WWP2: variants seen among roughly 807,000 people sequenced by gnomAD.
The protein encoded by WWP2 is NEDD4-like E3 ubiquitin-protein ligase WWP2.
WWP2 carries 57 observed loss-of-function variants against 121.0 expected under a neutral mutation model. The observed-to-expected ratio is 0.47, with a 90% CI of 0.38 to 0.59. The LOEUF (loss-of-function observed/expected upper bound fraction) is 0.59. WWP2 is among the 20% of genes least tolerant of loss of function. The pLI is 0.00. For missense variants in WWP2, 962 were observed against 1,158.9 expected, an observed-to-expected ratio of 0.83 and a Z score of 2.47; for synonymous variants, 449 against 441.3, an observed-to-expected ratio of 1.02 and a Z score of -0.22.
At chr16:69,815,660 C>A (rs1232800619) in intron 4 of WWP2, among the ~76,000 whole-genome samples, 2 of 151,548 alleles carry the variant, frequency 1.3e-5, no homozygotes, top group African/African-American at 4.8e-5. Context: ...GGTGGCGGGT[C>A]CCTGTAGTCC....
chr16:69,796,400 A>T (rs993608025), intron 2 of WWP2, among the ~76,000 whole-genome samples: 2 of 152,182 alleles, frequency 1.3e-5, no homozygotes, highest in African/African-American at 2.4e-5. Flanking sequence ...TGTGCTCAGG[A>T]CACTTCGATA....
intron 16 of WWP2, among the ~76,000 whole-genome samples, chr16:69,932,348 A>G (rs2058729752): frequency 6.6e-6 from 1 of 152,242 alleles, no homozygotes; most frequent in Admixed American, 6.5e-5. Context: ...AAACAAACAA[A>G]AAAACAAAAT....
chr16:69,922,121 C>A (rs912267884), intron 10 of WWP2, among the ~76,000 whole-genome samples: 1 of 151,014 alleles, frequency 6.6e-6, no homozygotes, highest in Non-Finnish European at 1.5e-5. Flanking sequence ...TATTTTGTGG[C>A]TCTTAGGGTG....
At chr16:69,936,126 G>A in intron 18 of WWP2, 140 bp downstream of exon 18, 3 of 1,456,114 alleles carry the variant, frequency 2.1e-6, no homozygotes, top group South Asian at 2.7e-5. Flanking sequence ...TTGTGGAGAG[G>A]AATGTCCTCT....
intron 8 of WWP2, among the ~76,000 whole-genome samples, chr16:69,900,502 G>A (rs2058186086): frequency 6.6e-6 from 1 of 151,548 alleles, no homozygotes; most frequent in Admixed American, 6.6e-5. Flanking sequence ...TTTTATAGAT[G>A]CATATATTTT....
chr16:69,904,133 T>C (rs919588095), intron 8 of WWP2, among the ~76,000 whole-genome samples: 1 of 152,236 alleles, frequency 6.6e-6, no homozygotes, highest in Non-Finnish European at 1.5e-5. Flanking sequence ...CTTTCTTCAT[T>C]TCCAAATTCA....
intron 4 of WWP2, among the ~76,000 whole-genome samples, chr16:69,800,934 C>T (rs2056150881): frequency 1.4e-5 from 2 of 147,624 alleles, no homozygotes; most frequent in Admixed American, 6.8e-5. Flanking sequence ...GCCTGTAATC[C>T]CAGTACTTTG....
intron 6 of WWP2, among the ~76,000 whole-genome samples, chr16:69,870,319 G>A (rs1475315684): frequency 3.1e-5 from 4 of 130,326 alleles, no homozygotes; most frequent in African/African-American, 1.2e-4. Flanking sequence ...TTTTTTTGGA[G>A]ACACTCTCAC....
intron 8 of WWP2, among the ~76,000 whole-genome samples, chr16:69,907,100 C>T (rs550256189): frequency 6.6e-6 from 1 of 152,216 alleles, no homozygotes; most frequent in South Asian, 2.1e-4. Flanking sequence ...CTTGTGGAAG[C>T]AGGTGTCAGA....
rs1482685185 is a variant in WWP2, at chr16:69,836,637, G to T, written c.341-3489G>T. On this transcript the variant is annotated intron_variant, in intron 4 of 23. Coordinates refer to ENST00000359154, the MANE Select transcript of WWP2 (RefSeq NM_001270454.2). ...AAATTAATTTATTTTTTGAGACAGG[G>T]TCTCGCTCTGTCACACAGGCTGGAG... Among the ~76,000 whole-genome samples, 3 of 152,202 alleles carry T rather than the reference G, an allele frequency of 2.0e-5. No homozygotes were observed. In the South Asian group the frequency reaches 6.2e-4, roughly 32 times the overall value.
chr16:69,875,091 C>A (rs2057712621), intron 7 of WWP2, among the ~76,000 whole-genome samples: 1 of 151,934 alleles, frequency 6.6e-6, no homozygotes, highest in Admixed American at 6.6e-5. Flanking sequence ...ACAGACACAC[C>A]TTCAAGATAT....
intron 7 of WWP2, among the ~76,000 whole-genome samples, chr16:69,879,993 C>G (rs2057797767): frequency 6.7e-6 from 1 of 149,040 alleles, no homozygotes; most frequent in Non-Finnish European, 1.5e-5. Flanking sequence ...AAATGAGATA[C>G]TTTTTTTTTT....
chr16:69,821,894 C>T (rs184189624), intron 4 of WWP2, among the ~76,000 whole-genome samples: 2 of 151,624 alleles, frequency 1.3e-5, no homozygotes, highest in Admixed American at 1.3e-4. Flanking sequence ...AAATAAGAAA[C>T]AGGGTCTTAC....
At chr16:69,819,306 AAACC>A (rs2056551821) in intron 4 of WWP2, among the ~76,000 whole-genome samples, 1 of 152,146 alleles carries the variant, frequency 6.6e-6, no homozygotes, top group Non-Finnish European at 1.5e-5. Context: ...TACTCCATAA[AAACC>A]AAAGTCATTC....
intron 4 of WWP2, among the ~76,000 whole-genome samples, chr16:69,807,906 C>T (rs2056314265): frequency 6.7e-6 from 1 of 150,190 alleles, no homozygotes; most frequent in South Asian, 2.1e-4. Flanking sequence ...CTGCAGTAAG[C>T]TGTAATCATG....
chr16:69,925,479 G>T lies in WWP2; in HGVS notation c.1229G>T (p.Gly410Val). The T allele has an allele frequency of 6.2e-7, 1 of 1,614,006 alleles. No individual in the cohort carries two copies. Among genetic ancestry groups the T allele is most frequent in the Non-Finnish European group, 8.5e-7 (1 of 1,179,950 alleles). ...GATCCCCTGGGCCCCCTCCCTCCTG[G>T]CTGGGGTAAGTACTGAGTTCTCTTC... ...DHDPLGPLPP[G>V]WEKRQDNGRV... is the part of the protein sequence containing the mutation. Residue 410 changes from glycine to valine, a missense_variant, in exon 11 of 24, where the codon GGC becomes GTC. Coordinates refer to ENST00000359154, the MANE Select transcript of WWP2 (RefSeq NM_001270454.2). The surrounding 1 kb of genome is among the most constrained non-coding windows in gnomAD (Gnocchi z 4.0).
rs769226686 is a variant in WWP2, at chr16:69,908,785, C to T, written c.939C>T (p.Asn313=). ...PAGWEQRELP[N]GRVYYVDHNT... ...GATGGGAACAGCGAGAGCTGCCCAA[C>T]GGACGTGTCTATTATGTTGACCACA... The change falls in exon 9 of 24, where the codon AAC becomes AAT. Residue 313 remains asparagine (N), a synonymous_variant. Coordinates refer to ENST00000359154, the MANE Select transcript of WWP2 (RefSeq NM_001270454.2). 14 of 1,614,198 alleles carry T rather than the reference C, an allele frequency of 8.7e-6. No individual in the cohort carries two copies. The highest frequency in any genetic ancestry group is 6.7e-5 in the Admixed American group (4 of 60,022).
At chr16:69,820,123 C>T (rs1421178355) in intron 4 of WWP2, among the ~76,000 whole-genome samples, 1 of 152,158 alleles carries the variant, frequency 6.6e-6, no homozygotes, top group Non-Finnish European at 1.5e-5. Context: ...GTCCCAGCTA[C>T]TCAGGAGGGT....
intron 1 of WWP2, among the ~76,000 whole-genome samples, chr16:69,767,716 A>T (rs529133515): frequency 2.0e-5 from 3 of 152,256 alleles, no homozygotes; most frequent in African/African-American, 7.2e-5. Context: ...GCTGTTTGTG[A>T]TTAATCATTT....
Sources: gnomAD v4.1 joint callset for allele counts (sites outside exome capture counted in the v4.1 genomes callset) on GRCh38, gnomAD v4.1.1 for gene constraint, Gnocchi (gnomAD v3.1) non-coding constraint, MANE v1.5 for transcripts, NCBI Gene and HGNC (gene_info 2026-07-23, HGNC 2026-07-21) for gene names.